Variants in IQCK observed in about 807,000 individuals in gnomAD.
IQCK encodes IQ domain-containing protein K.
Under a neutral mutation model 28.1 loss-of-function variants are expected in IQCK, and 29 were observed. The ratio of observed to expected loss-of-function variants is 1.03; its 90% CI spans 0.77 to 1.41. IQCK has a LOEUF of 1.41. Ranked by LOEUF, IQCK falls within the 40% of genes most tolerant of loss-of-function variation. The pLI is 0.00. For missense variants in IQCK, 359 were observed against 314.7 expected (o/e 1.14, Z -1.07); for synonymous variants, 113 against 115.1 (o/e 0.98, Z 0.12).
intron 4 of IQCK, among the ~76,000 whole-genome samples, chr16:19,739,331 TG>T (rs1334010778): frequency 6.6e-6 from 1 of 152,224 alleles, no homozygotes; most frequent in African/African-American, 2.4e-5. Context: ...ATATTGAACC[TG>T]GGAAGACCAT....
intron 6 of IQCK, among the ~76,000 whole-genome samples, chr16:19,776,370 A>G (rs1006625433): frequency 6.6e-6 from 1 of 152,160 alleles, no homozygotes; most frequent in African/African-American, 2.4e-5. Flanking sequence ...TAAAGTGATC[A>G]GTACTGAGAC....
chr16:19,771,353 A>G (rs1238061775), intron 6 of IQCK, among the ~76,000 whole-genome samples: 1 of 152,138 alleles, frequency 6.6e-6, no homozygotes, highest in Non-Finnish European at 1.5e-5. Context: ...TGGCCTCCCA[A>G]AGTGCTGGGA....
intron 4 of IQCK, among the ~76,000 whole-genome samples, chr16:19,739,130 A>G (rs753775039): frequency 2.0e-5 from 3 of 152,176 alleles, no homozygotes; most frequent in Admixed American, 6.5e-5. Context: ...TTCAGCTATC[A>G]TGTAGCCCTT....
At chr16:19,843,285 A>G (rs2056381285) in intron 9 of IQCK, among the ~76,000 whole-genome samples, 1 of 152,166 alleles carries the variant, frequency 6.6e-6, no homozygotes, top group Non-Finnish European at 1.5e-5. Flanking sequence ...ATGTCACAGA[A>G]TTTGCAACCA....
At chr16:19,776,683 TG>T (rs1377338170) in intron 6 of IQCK, among the ~76,000 whole-genome samples, 2 of 152,142 alleles carry the variant, frequency 1.3e-5, no homozygotes, top group African/African-American at 4.8e-5. Flanking sequence ...CACTCCAGCC[TG>T]GGTGATAGAG....
downstream of IQCK, among the ~76,000 whole-genome samples, chr16:19,830,100 T>A (rs770191943): frequency 1.3e-5 from 2 of 152,124 alleles, no homozygotes; most frequent in Non-Finnish European, 2.9e-5. Context: ...TGGTGCAGAG[T>A]AGGAGCACAT....
chr16:19,763,631 TG>T (rs1484174472), intron 4 of IQCK, among the ~76,000 whole-genome samples: 1 of 152,094 alleles, frequency 6.6e-6, no homozygotes, highest in Non-Finnish European at 1.5e-5. Context: ...TTAGTAGGGA[TG>T]GGGTTTCACT....
chr16:19,837,471 G>T (rs1781404700), intron 9 of IQCK, among the ~76,000 whole-genome samples: 1 of 152,132 alleles, frequency 6.6e-6, no homozygotes, highest in Non-Finnish European at 1.5e-5. Flanking sequence ...TTACCATCAG[G>T]ATGGTTCCTG....
intron 7 of IQCK, among the ~76,000 whole-genome samples, chr16:19,804,078 C>T (rs184372113): frequency 1.2e-4 from 19 of 152,248 alleles, no homozygotes; most frequent in Admixed American, 3.9e-4. Context: ...TTGCCAGGTG[C>T]GGCGGCTCAC....
At chr16:19,782,999 G>T (rs12599372) in intron 6 of IQCK, among the ~76,000 whole-genome samples, 53,136 of 148,674 alleles carry the variant, frequency 0.36, 14,051 homozygotes, top group African/African-American at 0.74. Context: ...TTCTTTTTTT[G>T]TGTGTGTGTG....
chr16:19,760,938 A>C (rs2055129836), intron 4 of IQCK, among the ~76,000 whole-genome samples: 1 of 152,010 alleles, frequency 6.6e-6, no homozygotes, highest in Non-Finnish European at 1.5e-5. Context: ...TAACTTTCTG[A>C]TGTTGCCATG....
Position 19,763,833 on chromosome 16 carries a change from CTCT to C in IQCK, c.475-11_475-9del. On this transcript the variant is annotated splice_polypyrimidine_tract_variant and intron_variant, in intron 4 of 7. Coordinates refer to ENST00000564186, the Ensembl canonical transcript of IQCK. Reference sequence around the variant, plus strand: ...TAAGGGTCAGTTGTAATTTAATTATCTCTTCTCTCTTCAGAGGAAAAGAACCAA... The same window carrying C: ...TAAGGGTCAGTTGTAATTTAATTATCTCTCTCTTCAGAGGAAAAGAACCAA... 3 of 1,597,368 alleles carry C rather than the reference CTCT, an allele frequency of 1.9e-6. No individual in the cohort carries two copies. The highest frequency in any genetic ancestry group is 2.6e-6 in the Non-Finnish European group (3 of 1,164,992).
At chr16:19,746,815 G>T (rs1051558782) in intron 4 of IQCK, among the ~76,000 whole-genome samples, 1 of 152,326 alleles carries the variant, frequency 6.6e-6, no homozygotes, top group Admixed American at 6.5e-5. Flanking sequence ...TTTGTCCGCC[G>T]GCTTTGAGGG....
chr16:19,854,384 G>A (rs1567203625), intron 9 of IQCK, among the ~76,000 whole-genome samples: 1 of 150,610 alleles, frequency 6.6e-6, no homozygotes, highest in Admixed American at 6.7e-5. Flanking sequence ...TCCCCCTATT[G>A]CAAATGTCCC....
rs1204660914 is a variant in IQCK, at chr16:19,855,499, C to T, written c.803-988C>T. Among the ~76,000 whole-genome samples, 5 of 152,146 alleles carry T rather than the reference C, an allele frequency of 3.3e-5. No individual in the cohort carries two copies. In the East Asian group the frequency reaches 5.8e-4, roughly 18 times the overall value. On this transcript the variant is annotated intron_variant, in intron 9 of 9. Coordinates refer to the IQCK transcript ENST00000320394. ...ACTTGGGATGCTGAGGCAGGAGAAT[C>T]GCTTGAACCTGCGAGGCGGAGGTTG... is the stretch of plus-strand genomic sequence containing the variant.
chr16:19,740,147 G>C (rs2151689431), intron 4 of IQCK, among the ~76,000 whole-genome samples: 1 of 152,294 alleles, frequency 6.6e-6, no homozygotes, highest in East Asian at 1.9e-4. Context: ...GCTATTTTCT[G>C]AAGAACAGAC....
intron 9 of IQCK, among the ~76,000 whole-genome samples, chr16:19,852,929 A>C (rs1323723430): frequency 6.6e-6 from 1 of 152,154 alleles, no homozygotes; most frequent in Non-Finnish European, 1.5e-5. Flanking sequence ...GCCTCCTTCA[A>C]CATTTTTGAG....
chr16:19,747,469 C>T (rs1018315007), intron 4 of IQCK, among the ~76,000 whole-genome samples: 7 of 151,852 alleles, frequency 4.6e-5, no homozygotes, highest in Non-Finnish European at 7.4e-5. Context: ...AGCCCAGATC[C>T]GAAGAGTTAG....
At chr16:19,725,605 ATCAAGTTGTTT>A (rs1013197326) in intron 1 of IQCK, among the ~76,000 whole-genome samples, 22 of 152,226 alleles carry the variant, frequency 1.4e-4, no homozygotes, top group African/African-American at 5.1e-4. Context: ...ACTATGGTAA[ATCAAGTTGTTT>A]TAAGAGTCCA....
Sources: gnomAD v4.1 joint callset for allele counts (sites outside exome capture counted in the v4.1 genomes callset) on GRCh38, gnomAD v4.1.1 for gene constraint, MANE v1.5 for transcripts, NCBI Gene and HGNC (gene_info 2026-07-23, HGNC 2026-07-21) for gene names.